The following ZRANB3 variants were observed in gnomAD, a reference collection of about 807,000 sequenced individuals.
ZRANB3 encodes zinc finger RANBP2-type containing 3.
Under a neutral mutation model 133.8 loss-of-function variants are expected in ZRANB3, and 125 were observed. That is an observed-to-expected ratio of 0.93 (90% CI 0.81 to 1.08). The LOEUF is 1.08. Among genes scored for constraint, ZRANB3 ranks in the 50% least tolerant of loss-of-function variants. The probability of loss-of-function intolerance (pLI) is 0.00; values close to 1 mark genes in which losing one functional copy is unlikely to be tolerated. For synonymous variants in ZRANB3, 387 were observed against 432.7 expected (o/e 0.89, Z 1.31); for missense variants, 1,229 against 1,275.5 (o/e 0.96, Z 0.56).
intron 12 of ZRANB3, among the ~76,000 whole-genome samples, chr2:135,236,879 G>A (rs1010298653): frequency 6.6e-6 from 1 of 152,108 alleles, no homozygotes; most frequent in East Asian, 1.9e-4. Flanking sequence ...CACAGGCATG[G>A]GCAAGGACTT....
intron 3 of ZRANB3, among the ~76,000 whole-genome samples, chr2:135,367,365 T>C (rs1685986481): frequency 1.3e-5 from 2 of 152,176 alleles, no homozygotes; most frequent in South Asian, 4.1e-4. Context: ...GACTGCTCCT[T>C]AGCTGGGGTC....
At chr2:135,455,414 C>A (rs533948149) in intron 2 of ZRANB3, among the ~76,000 whole-genome samples, 1 of 151,468 alleles carries the variant, frequency 6.6e-6, no homozygotes, top group East Asian at 1.9e-4. Flanking sequence ...TTTTGAATCC[C>A]TGACTTCATG....
At chr2:135,324,845 T>G (rs988250402) in intron 6 of ZRANB3, among the ~76,000 whole-genome samples, 4 of 152,046 alleles carry the variant, frequency 2.6e-5, no homozygotes, top group African/African-American at 4.8e-5. Context: ...ATGATGAGCA[T>G]TTTTTCATGT....
chr2:135,404,286 G>A (rs929228589), intron 2 of ZRANB3, among the ~76,000 whole-genome samples: 7 of 152,160 alleles, frequency 4.6e-5, no homozygotes, highest in Admixed American at 1.3e-4. Context: ...ACCAAGGCAC[G>A]AGAACTATGT....
intron 1 of ZRANB3, among the ~76,000 whole-genome samples, chr2:135,513,849 C>T (rs1693584900): frequency 6.6e-6 from 1 of 152,130 alleles, no homozygotes; most frequent in Non-Finnish European, 1.5e-5. Flanking sequence ...ATATGGCTAG[C>T]CAGTTTTCCC....
intron 8 of ZRANB3, among the ~76,000 whole-genome samples, chr2:135,296,580 C>T (rs540940044): frequency 6.6e-4 from 100 of 152,256 alleles, no homozygotes; most frequent in African/African-American, 2.2e-3. Context: ...TCTCTCAACT[C>T]GTCAAAGTCG....
At chr2:135,386,526 T>C (rs1025961983) in intron 3 of ZRANB3, among the ~76,000 whole-genome samples, 1 of 152,130 alleles carries the variant, frequency 6.6e-6, no homozygotes, top group African/African-American at 2.4e-5. Context: ...CATGCTACTA[T>C]AAAGACACAT....
chr2:135,448,752 CA>C (rs1291196115), intron 2 of ZRANB3, among the ~76,000 whole-genome samples: 1 of 151,984 alleles, frequency 6.6e-6, no homozygotes, highest in Non-Finnish European at 1.5e-5. Flanking sequence ...AAAGAGCTCA[CA>C]AAAAAACTTT....
At chr2:135,474,643 C>T (rs1357368446) in intron 2 of ZRANB3, among the ~76,000 whole-genome samples, 1 of 152,158 alleles carries the variant, frequency 6.6e-6, no homozygotes, top group East Asian at 1.9e-4. Flanking sequence ...ATGCTGGTAT[C>T]ATGCTAGTAC....
At chr2:135,373,413 T>C (rs1686271441) in intron 3 of ZRANB3, among the ~76,000 whole-genome samples, 1 of 152,030 alleles carries the variant, frequency 6.6e-6, no homozygotes, top group Admixed American at 6.6e-5. Flanking sequence ...ACTTTTTAGA[T>C]AGACTTGAGA....
chr2:135,316,274 A>G (rs1480396399), intron 6 of ZRANB3, among the ~76,000 whole-genome samples: 1 of 152,228 alleles, frequency 6.6e-6, no homozygotes, highest in East Asian at 1.9e-4. Context: ...TCAGAAAATT[A>G]GAAGCTCAAA....
At chr2:135,456,786 C>G (rs1352825104) in intron 2 of ZRANB3, among the ~76,000 whole-genome samples, 2 of 152,248 alleles carry the variant, frequency 1.3e-5, no homozygotes, top group South Asian at 2.1e-4. Context: ...TAAAGAACCT[C>G]AAATTATCAC....
At chr2:135,431,287 G>A (rs551905457) in intron 2 of ZRANB3, among the ~76,000 whole-genome samples, 2 of 150,856 alleles carry the variant, frequency 1.3e-5, no homozygotes, top group African/African-American at 4.9e-5. Flanking sequence ...GTGAAACCCT[G>A]TCTCAATGTG....
rs764736324 is a variant in ZRANB3, at chr2:135,392,355, A to AAGG, written c.162-1536_162-1535insCCT. Among the ~76,000 whole-genome samples, 82 of 81,976 alleles carry AAGG rather than the reference A, an allele frequency of 1.0e-3. 1 individual carries two copies. The highest frequency in any genetic ancestry group is 3.7e-3 in the East Asian group (10 of 2,700). The allele number at this position is 81,976 out of a possible 152,430, so 53.8% of individuals were successfully genotyped here. On this transcript the variant is annotated intron_variant, in intron 2 of 20. Coordinates refer to ENST00000264159, the MANE Select transcript of ZRANB3 (RefSeq NM_032143.4). ...AAAATGAAAATACAAAAAAAAAAAA[A>AAGG]GGGGGGGGGGGCAGGAAAAAAACTT... is the stretch of plus-strand genomic sequence containing the variant.
chr2:135,433,069 T>C (rs1390211030), intron 2 of ZRANB3, among the ~76,000 whole-genome samples: 2 of 151,970 alleles, frequency 1.3e-5, no homozygotes, highest in East Asian at 3.9e-4. Context: ...CTATGTATGC[T>C]GGGCTGAAAC....
Position 135,295,046 on chromosome 2 carries a change from T to C in ZRANB3, c.966+18443A>G, listed in dbSNP as rs375299412. On this transcript the variant is annotated intron_variant, in intron 8 of 20. Transcript: ENST00000264159. ...GTGGTTAATTTTGGGATAGGTGTGG[T>C]GTGGTGCTGAAAAGAATGTATATTC... Among the ~76,000 whole-genome samples, 49 of 152,282 alleles carry C rather than the reference T, an allele frequency of 3.2e-4. 1 individual carries two copies. The South Asian group carries it at 9.8e-3, about 30-fold the overall frequency.
At chr2:135,461,139 G>A (rs370804552) in intron 2 of ZRANB3, among the ~76,000 whole-genome samples, 10 of 152,286 alleles carry the variant, frequency 6.6e-5, no homozygotes, top group East Asian at 3.9e-4. Flanking sequence ...CCGGGTGGGT[G>A]TGAAAACTTT....
At chr2:135,292,973 T>G (rs573505722) in intron 8 of ZRANB3, among the ~76,000 whole-genome samples, 3 of 152,218 alleles carry the variant, frequency 2.0e-5, no homozygotes, top group East Asian at 1.9e-4. Context: ...TTGGTACCAG[T>G]ACCATGCTGT....
chr2:135,443,098 A>G (rs964776224), intron 2 of ZRANB3, among the ~76,000 whole-genome samples: 2 of 151,708 alleles, frequency 1.3e-5, no homozygotes, highest in Non-Finnish European at 2.9e-5. Context: ...CCTAGGCTAC[A>G]GAGGGAGACT....
Sources: allele counts gnomAD v4.1 joint callset (sites outside exome capture counted in the v4.1 genomes callset), GRCh38; gene constraint gnomAD v4.1.1; transcripts MANE v1.5; gene names NCBI Gene and HGNC (gene_info 2026-07-23, HGNC 2026-07-21).